The following REDIC1 variants were observed in gnomAD, a reference collection of about 807,000 sequenced individuals.
REDIC1 encodes the protein HEI10 Interacting Protein 1.
At chr12:39,836,698 GACAA>G in the REDIC1 span, among the ~76,000 whole-genome samples, 46 of 119,590 alleles carry the variant, frequency 3.8e-4, no homozygotes, top group Non-Finnish European at 6.7e-4. Context: ...ACCAACAACA[GACAA>G]ACAGAGAGCC....
the REDIC1 span, among the ~76,000 whole-genome samples, chr12:39,724,639 T>C: frequency 1.3e-5 from 2 of 152,254 alleles, no homozygotes; most frequent in East Asian, 3.9e-4. Context: ...ATTGGCTTTA[T>C]AGGTATAACT....
the REDIC1 span, among the ~76,000 whole-genome samples, chr12:39,773,429 A>T: frequency 1.3e-5 from 2 of 152,156 alleles, no homozygotes; most frequent in African/African-American, 2.4e-5. Flanking sequence ...AACATGTAGA[A>T]ATTAACAGCT....
chr12:39,906,296 G>A, the REDIC1 span, among the ~76,000 whole-genome samples: 1 of 152,116 alleles, frequency 6.6e-6, no homozygotes, highest in South Asian at 2.1e-4. Flanking sequence ...ATCACTGTGT[G>A]AATAACTAGA....
the REDIC1 span, among the ~76,000 whole-genome samples, chr12:39,734,751 T>A: frequency 1.3e-5 from 2 of 152,242 alleles, no homozygotes; most frequent in Admixed American, 1.3e-4. Flanking sequence ...CTTATGCCAA[T>A]ATCATACTAT....
the REDIC1 span, among the ~76,000 whole-genome samples, chr12:39,714,691 AGTGTTCCCT>A: frequency 6.6e-6 from 1 of 151,864 alleles, no homozygotes; most frequent in Non-Finnish European, 1.5e-5. Context: ...GCAATGTAGA[AGTGTTCCCT>A]GTTCACCACT....
At chr12:39,802,462 G>T in the REDIC1 span, 1 of 152,156 alleles carries the variant, frequency 6.6e-6, no homozygotes, top group East Asian at 1.9e-4. Flanking sequence ...AAATGATGCC[G>T]AGAAATAGGC....
the REDIC1 span, among the ~76,000 whole-genome samples, chr12:39,790,199 T>C: frequency 2.4e-5 from 2 of 81,990 alleles, no homozygotes. Flanking sequence ...AGCCTAAGTG[T>C]ACAGTGTTTT....
chr12:39,907,812 A>G, the REDIC1 span: 1 of 152,120 alleles, frequency 6.6e-6, no homozygotes, highest in Non-Finnish European at 1.5e-5. Flanking sequence ...AACCTGCCTG[A>G]TTCTCCACTT....
At chr12:39,769,836 CCTT>C in the REDIC1 span, among the ~76,000 whole-genome samples, 1 of 152,066 alleles carries the variant, frequency 6.6e-6, no homozygotes, top group African/African-American at 2.4e-5. Context: ...ACTACACAAT[CCTT>C]CTTTCACAGC....
the REDIC1 span, chr12:39,626,195 A>T: frequency 1.2e-6 from 1 of 812,018 alleles, no homozygotes; most frequent in Non-Finnish European, 2.0e-6. Context: ...GTTGGGCCTC[A>T]GGCGGTGGAC....
chr12:39,708,781 A>C, the REDIC1 span, among the ~76,000 whole-genome samples: 1 of 151,832 alleles, frequency 6.6e-6, no homozygotes, highest in Non-Finnish European at 1.5e-5. Flanking sequence ...TCTTTTTATA[A>C]ATGTTTAATT....
chr12:39,827,317 T>C, the REDIC1 span, among the ~76,000 whole-genome samples: 1 of 152,144 alleles, frequency 6.6e-6, no homozygotes, highest in South Asian at 2.1e-4. Context: ...TTATTTCCAT[T>C]TGTAGTCCCA....
chr12:39,671,832 C>A, the REDIC1 span, among the ~76,000 whole-genome samples: 1 of 152,002 alleles, frequency 6.6e-6, no homozygotes, highest in African/African-American at 2.4e-5. Flanking sequence ...CTCCAGGCCT[C>A]TGGATGGGTA....
the REDIC1 span, among the ~76,000 whole-genome samples, chr12:39,828,203 G>T: frequency 2.6e-5 from 4 of 152,026 alleles, no homozygotes; most frequent in Non-Finnish European, 5.9e-5. Flanking sequence ...CAATAGCAGT[G>T]GTCCACCTAG....
chr12:39,809,346 GTCTT>G, the REDIC1 span, among the ~76,000 whole-genome samples: 2 of 152,070 alleles, frequency 1.3e-5, no homozygotes, highest in Non-Finnish European at 2.9e-5. Flanking sequence ...GATAGGGCAT[GTCTT>G]TCTTTTTCAG....
the REDIC1 span, among the ~76,000 whole-genome samples, chr12:39,725,035 TA>T: frequency 6.6e-6 from 1 of 151,702 alleles, no homozygotes; most frequent in African/African-American, 2.4e-5. Context: ...CAAGTGGGAT[TA>T]AAAAAAATGA....
the REDIC1 span, among the ~76,000 whole-genome samples, chr12:39,878,366 C>T: frequency 1.3e-5 from 2 of 152,198 alleles, no homozygotes; most frequent in African/African-American, 4.8e-5. Context: ...AAGAGACCGA[C>T]TAAATGGTTG....
the REDIC1 span, among the ~76,000 whole-genome samples, chr12:39,812,731 C>A: frequency 2.6e-5 from 4 of 151,740 alleles, no homozygotes; most frequent in African/African-American, 9.7e-5. Flanking sequence ...CTCAGCCTCC[C>A]AAACTGCTGG....
the REDIC1 span, chr12:39,802,475 G>A: frequency 1.7e-4 from 26 of 152,156 alleles, no homozygotes; most frequent in Admixed American, 6.5e-5. Context: ...AAATAGGCAA[G>A]GGCCACTTCA....
Sources: gnomAD v4.1 joint callset for allele counts (sites outside exome capture counted in the v4.1 genomes callset) on GRCh38, gnomAD v4.1.1 for gene constraint, MANE v1.5 for transcripts, NCBI Gene and HGNC (gene_info 2026-07-23, HGNC 2026-07-21) for gene names.